Variants in STRA8 observed in about 807,000 individuals in gnomAD.
STRA8 encodes the protein stimulated by retinoic acid 8, also known as stimulated by retinoic acid gene 8 protein homolog.
In STRA8, 18 loss-of-function variants were observed where a neutral mutation model predicts 37.1. The observed-to-expected ratio is 0.48, with a 90% confidence interval of 0.34 to 0.72. The LOEUF is 0.72. STRA8 is among the 30% of genes least tolerant of loss of function. STRA8 has a pLI of 0.01. For synonymous variants in STRA8, 168 were observed against 162.9 expected (o/e 1.03, Z -0.24); for missense variants, 357 against 410.4 (o/e 0.87, Z 1.13).
intron 1 of STRA8, among the ~76,000 whole-genome samples, chr7:135,239,299 G>A (rs1246820586): frequency 6.6e-6 from 1 of 152,208 alleles, no homozygotes; most frequent in Non-Finnish European, 1.5e-5. Flanking sequence ...GAATCACCCT[G>A]GGAGCTGCAC....
intron 7 of STRA8, among the ~76,000 whole-genome samples, chr7:135,253,517 C>A (rs1832665665): frequency 6.6e-6 from 1 of 152,160 alleles, no homozygotes; most frequent in African/African-American, 2.4e-5. Flanking sequence ...GTTTAGGGGA[C>A]TCTCTGAGTT....
At chr7:135,240,362 A>C (rs553660617) in intron 1 of STRA8, among the ~76,000 whole-genome samples, 157 bp from the exon 2 acceptor site, 2 of 152,300 alleles carry the variant, frequency 1.3e-5, no homozygotes, top group South Asian at 4.1e-4. Flanking sequence ...CTCTCACTGT[A>C]AATCTTGCCA....
chr7:135,237,623 G>A (rs1259295617), intron 1 of STRA8, among the ~76,000 whole-genome samples: 1 of 152,158 alleles, frequency 6.6e-6, no homozygotes, highest in Non-Finnish European at 1.5e-5. Flanking sequence ...ACCGGGCGTG[G>A]TGGCTCACAC....
intron 8 of STRA8, among the ~76,000 whole-genome samples, chr7:135,257,107 A>C (rs961847556): frequency 6.6e-6 from 1 of 152,174 alleles, no homozygotes; most frequent in African/African-American, 2.4e-5. Context: ...TCAGGAGAGC[A>C]TGGTGAATGG....
chr7:135,255,606 G>A (rs995901207), intron 8 of STRA8, among the ~76,000 whole-genome samples: 5 of 152,216 alleles, frequency 3.3e-5, no homozygotes, highest in African/African-American at 4.8e-5. Flanking sequence ...TCATAGGCGT[G>A]CAGACCCTAT....
intron 4 of STRA8, among the ~76,000 whole-genome samples, chr7:135,244,328 G>A (rs557265072): frequency 6.6e-6 from 1 of 152,224 alleles, no homozygotes; most frequent in South Asian, 2.1e-4. Context: ...AAAGTGTTGG[G>A]ATTACAGGTG....
chr7:135,244,870 G>C (rs1223986893), intron 4 of STRA8, among the ~76,000 whole-genome samples: 3 of 152,318 alleles, frequency 2.0e-5, no homozygotes, highest in African/African-American at 7.2e-5. Context: ...AGTAGTAAGA[G>C]TGGACAGTCT....
chr7:135,237,741 A>T (rs1437192172), intron 1 of STRA8, among the ~76,000 whole-genome samples: 1 of 152,072 alleles, frequency 6.6e-6, no homozygotes, highest in Non-Finnish European at 1.5e-5. Context: ...AAAATACAAA[A>T]ATTAGCCAGT....
intron 6 of STRA8, among the ~76,000 whole-genome samples, chr7:135,249,158 A>T (rs1240052739): frequency 6.6e-6 from 1 of 152,190 alleles, no homozygotes; most frequent in African/African-American, 2.4e-5. Flanking sequence ...GTCACATAAG[A>T]TGATAATGGA....
At chr7:135,253,610 A>T (rs1381181848) in intron 7 of STRA8, among the ~76,000 whole-genome samples, 1 of 152,204 alleles carries the variant, frequency 6.6e-6, no homozygotes, top group Non-Finnish European at 1.5e-5. Flanking sequence ...TGACCCCATG[A>T]AGTGGGAAGA....
intron 1 of STRA8, among the ~76,000 whole-genome samples, 184 bp downstream of exon 1, chr7:135,234,087 TGA>T (rs1491519379): frequency 2.7e-5 from 4 of 150,570 alleles, no homozygotes; most frequent in African/African-American, 9.8e-5. Flanking sequence ...TGGATGATGA[TGA>T]TGATGATGAT....
intron 8 of STRA8, among the ~76,000 whole-genome samples, chr7:135,257,635 C>T (rs1832720234): frequency 6.6e-6 from 1 of 152,154 alleles, no homozygotes; most frequent in Non-Finnish European, 1.5e-5. Context: ...CCATGTTGGC[C>T]AGGCTGGTCT....
chr7:135,232,948 C>G (rs1040650732), upstream of STRA8, among the ~76,000 whole-genome samples: 2 of 152,226 alleles, frequency 1.3e-5, no homozygotes, highest in African/African-American at 2.4e-5. Flanking sequence ...AGCCATGCTT[C>G]TTGCACCGTG....
intron 1 of STRA8, among the ~76,000 whole-genome samples, chr7:135,238,060 G>A (rs1407304661): frequency 6.6e-6 from 1 of 152,178 alleles, no homozygotes; most frequent in East Asian, 1.9e-4. Flanking sequence ...TGAACAGGAG[G>A]CAGGATCTAG....
intron 1 of STRA8, among the ~76,000 whole-genome samples, chr7:135,238,811 T>C (rs1445589127): frequency 6.6e-6 from 1 of 152,244 alleles, no homozygotes; most frequent in Non-Finnish European, 1.5e-5. Flanking sequence ...TTAGTTGGTA[T>C]CTGGAATTGA....
At chr7:135,234,339 C>G (rs112654694) in intron 1 of STRA8, among the ~76,000 whole-genome samples, 2 of 152,126 alleles carry the variant, frequency 1.3e-5, no homozygotes, top group Non-Finnish European at 2.9e-5. Flanking sequence ...GAACTCCTGA[C>G]CTCAGGTGAT....
intron 4 of STRA8, 136 bp from the exon 5 acceptor site, chr7:135,245,152 A>G: frequency 1.7e-6 from 1 of 598,320 alleles, no homozygotes; most frequent in East Asian, 2.7e-5. Flanking sequence ...GAAAAAGCTC[A>G]TTTGGTCATG....
rs186074700 is a variant in STRA8 at position 135,255,132 on chromosome 7, C to T, written c.972C>T (p.Cys324=). ...TTGTCAGTTCAGTGCTTGCCAGCTG[C>T]AACCCAGAAAACCCAGAGGAGAAGT... ...TSSSSSVLAS[C]NPENPEEKFQ... Residue 324 remains cysteine, a synonymous_variant, in exon 8 of 9, where the codon TGC becomes TGT. Coordinates refer to ENST00000662584, the MANE Select transcript of STRA8 (RefSeq NM_001394401.1). The T allele has an allele frequency of 4.3e-5, 70 of 1,614,038 alleles. No individual in the cohort carries two copies. In the East Asian group the frequency reaches 1.2e-3, roughly 29 times the overall value.
chr7:135,234,732 T>C (rs938119464), intron 1 of STRA8, among the ~76,000 whole-genome samples: 1 of 152,252 alleles, frequency 6.6e-6, no homozygotes, highest in African/African-American at 2.4e-5. Context: ...AAATATGTCA[T>C]GTGACAGTGT....
Sources: allele counts gnomAD v4.1 joint callset (sites outside exome capture counted in the v4.1 genomes callset), GRCh38; gene constraint gnomAD v4.1.1; transcripts MANE v1.5; gene names NCBI Gene and HGNC (gene_info 2026-07-23, HGNC 2026-07-21).